Variants in SPEN observed in about 807,000 individuals in gnomAD.
SPEN encodes the protein spen family transcriptional repressor, also known as msx2-interacting protein.
SPEN carries 18 observed loss-of-function variants against 269.9 expected under a neutral mutation model. The ratio of observed to expected loss-of-function variants is 0.07; its 90% CI spans 0.05 to 0.10. SPEN has a LOEUF of 0.10. SPEN is among the 10% of genes least tolerant of loss of function. The pLI, the probability that SPEN is intolerant of heterozygous loss-of-function variation, is 1.00. For synonymous variants in SPEN, 1,726 were observed against 1,765.7 expected (o/e 0.98, Z 0.56); for missense variants, 3,822 against 4,631.2 (o/e 0.83, Z 5.07).
chr1:15,892,160 A>T (rs2070797291), intron 3 of SPEN, among the ~76,000 whole-genome samples: 1 of 151,482 alleles, frequency 6.6e-6, no homozygotes, highest in Non-Finnish European at 1.5e-5. Context: ...AGCTGGGACT[A>T]TAGGCACCTT....
At chr1:15,849,194 G>C (rs1010359841) in intron 1 of SPEN, among the ~76,000 whole-genome samples, 3 of 152,206 alleles carry the variant, frequency 2.0e-5, no homozygotes, top group Non-Finnish European at 4.4e-5. Flanking sequence ...ATCTGTGGTT[G>C]TCCTCGAAAA....
rs762548080 is a variant in SPEN, at chr1:15,940,249, C to T, written c.*822C>T. 1.4e-4 allele frequency: 32 copies of T among 232,864 alleles called. No individual in the cohort carries two copies. Among genetic ancestry groups the T allele is most frequent in the Non-Finnish European group, 2.3e-4 (27 of 117,684 alleles). The allele number at this position is 232,864 out of a possible 1,614,324, so 14.4% of individuals were successfully genotyped here. A position where few individuals can be genotyped will look rare whatever the true frequency, so the allele number is the denominator to read the frequency against. Reference sequence around the variant, plus strand: ...TATTGCCCACTCATTTGTATAAGTGCGCTTCGGTACAGCACGGGTCCTGCT... The same window carrying T: ...TATTGCCCACTCATTTGTATAAGTGTGCTTCGGTACAGCACGGGTCCTGCT... On this transcript the variant is annotated 3_prime_UTR_variant, in exon 15 of 15. Coordinates refer to ENST00000375759, the MANE Select transcript of SPEN (RefSeq NM_015001.3).
At chr1:15,915,455 C>T (rs1361872526) in intron 5 of SPEN, among the ~76,000 whole-genome samples, 1 of 152,198 alleles carries the variant, frequency 6.6e-6, no homozygotes, top group Non-Finnish European at 1.5e-5. Flanking sequence ...TGCCAGTACA[C>T]TCCAGTCTGG....
chr1:15,881,434 C>T (rs1221980829), intron 3 of SPEN, among the ~76,000 whole-genome samples: 1 of 152,110 alleles, frequency 6.6e-6, no homozygotes, highest in Non-Finnish European at 1.5e-5. Context: ...GTGGGAGAGA[C>T]ATTGTATTAA....
chr1:15,891,875 T>G (rs761779119), intron 3 of SPEN, among the ~76,000 whole-genome samples: 1 of 151,412 alleles, frequency 6.6e-6, no homozygotes, highest in Admixed American at 6.6e-5. Context: ...TTTAAAAATA[T>G]ACACATCAAG....
Position 15,933,717 on chromosome 1 carries a change from A to C in SPEN, c.7477A>C (p.Ser2493Arg), listed in dbSNP as rs201862747. The change falls in exon 11 of 15, where the codon AGC becomes CGC. Residue 2493 changes from serine (S) to arginine (R), a missense_variant. This residue lies in a region of SPEN where 727 missense variants were observed against 737.9 expected (regional missense o/e 0.99). Coordinates refer to ENST00000375759, the MANE Select transcript of SPEN (RefSeq NM_015001.3). The surrounding 1 kb of genome is among the most constrained non-coding windows in gnomAD (Gnocchi z 5.7). ...CGCCTCTGGGGGGATCCCACACCAGAGCCCCCCTACTAAGGTGACAGAGTG... is the reference window on the plus strand; with the variant it reads ...CGCCTCTGGGGGGATCCCACACCAGCGCCCCCCTACTAAGGTGACAGAGTG... ...PVASGGIPHQ[S>R]PPTKVTEWIT... is the part of the protein sequence containing the mutation. 1 of 1,614,078 alleles carries C rather than the reference A, an allele frequency of 6.2e-7. No homozygotes were observed. The highest frequency in any genetic ancestry group is 1.1e-5 in the South Asian group (1 of 91,076).
chr1:15,848,264 C>T lies in SPEN; in HGVS notation c.83+114C>T. The stretch of plus-strand genomic sequence containing the variant: ...CTGGTGAGGAGGACTCCGGCCCGGA[C>T]CCACGGGCGCTGTGGGACCTCGTCA... On this transcript the variant is annotated intron_variant, in intron 1 of 14. Transcript: ENST00000375759. The surrounding 1 kb of genome is among the most constrained non-coding windows in gnomAD (Gnocchi z 5.1). 1 of 611,644 alleles carries T rather than the reference C, an allele frequency of 1.6e-6. No homozygotes were observed. Among genetic ancestry groups the T allele is most frequent in the Non-Finnish European group, 2.4e-6 (1 of 412,514 alleles). 37.9% of individuals were successfully genotyped at this position (611,644 alleles called of 1,614,324 possible).
chr1:15,938,143 G>T, intron 13 of SPEN, 137 bp downstream of exon 13: 2 of 838,186 alleles, frequency 2.4e-6, no homozygotes, highest in South Asian at 1.9e-5. Flanking sequence ...AGTCTCTGTC[G>T]CCTGGGCTGG....
At chr1:15,904,728 C>T (rs747734755) in intron 3 of SPEN, among the ~76,000 whole-genome samples, 7 of 150,898 alleles carry the variant, frequency 4.6e-5, no homozygotes, top group Non-Finnish European at 7.4e-5. Flanking sequence ...GCTGGGATTA[C>T]AGGCATGAGC....
rs1332153420 is a variant in SPEN, at chr1:15,931,871, G to A, written c.5631G>A (p.Arg1877=). The A allele has an allele frequency of 1.2e-6, 2 of 1,614,202 alleles. No individual in the cohort carries two copies. Among genetic ancestry groups the A allele is most frequent in the Admixed American group, 1.7e-5 (1 of 60,008 alleles). ...AGATGGAGGCAGAGAAGATTACAAGGACTGCTTCTAAAAACTCTGCTGCAG... is the reference window on the plus strand; with the variant it reads ...AGATGGAGGCAGAGAAGATTACAAGAACTGCTTCTAAAAACTCTGCTGCAG... ...ELKMEAEKIT[R]TASKNSAADL... Residue 1877 remains arginine, a synonymous_variant, in exon 11 of 15, where the codon AGG becomes AGA. Coordinates refer to ENST00000375759, the MANE Select transcript of SPEN (RefSeq NM_015001.3). The surrounding 1 kb of genome is among the most constrained non-coding windows in gnomAD (Gnocchi z 4.8).
chr1:15,888,831 A>G (rs542450145), intron 3 of SPEN, among the ~76,000 whole-genome samples: 2 of 150,904 alleles, frequency 1.3e-5, no homozygotes, highest in Non-Finnish European at 2.9e-5. Flanking sequence ...GGGTTTTGCC[A>G]TGTTGGTTGG....
At chr1:15,885,953 G>C (rs1330528213) in intron 3 of SPEN, among the ~76,000 whole-genome samples, 1 of 152,062 alleles carries the variant, frequency 6.6e-6, no homozygotes, top group African/African-American at 2.4e-5. Context: ...TGTTTTAGGG[G>C]GTCATATTAG....
Position 15,848,010 on chromosome 1 carries a change from C to A in SPEN, c.-58C>A. 2 of 1,234,114 alleles carry A rather than the reference C, an allele frequency of 1.6e-6. No individual in the cohort carries two copies. Among genetic ancestry groups the A allele is most frequent in the Non-Finnish European group, 2.1e-6 (2 of 935,536 alleles). 76.4% of individuals were successfully genotyped at this position (1,234,114 alleles called of 1,614,324 possible). On this transcript the variant is annotated 5_prime_UTR_variant, in exon 1 of 15. Coordinates refer to ENST00000375759, the MANE Select transcript of SPEN (RefSeq NM_015001.3). The surrounding 1 kb of genome is among the most constrained non-coding windows in gnomAD (Gnocchi z 5.1). ...GCACCCGCCTCCCGGCGCTGACGGTCTCGTACGAAGCCGGCGAGGGGGAGC... is the reference window on the plus strand; with the variant it reads ...GCACCCGCCTCCCGGCGCTGACGGTATCGTACGAAGCCGGCGAGGGGGAGC...
At chr1:15,857,133 G>C (rs1269503688) in intron 1 of SPEN, among the ~76,000 whole-genome samples, 1 of 151,460 alleles carries the variant, frequency 6.6e-6, no homozygotes, top group Non-Finnish European at 1.5e-5. Context: ...TGTGATCACT[G>C]CTTACTGTGT....
chr1:15,904,771 C>T (rs1340971454), intron 3 of SPEN, among the ~76,000 whole-genome samples: 1 of 150,546 alleles, frequency 6.6e-6, no homozygotes, highest in Non-Finnish European at 1.5e-5. Context: ...ATAATAATGG[C>T]CTGTGATAAT....
intron 1 of SPEN, among the ~76,000 whole-genome samples, chr1:15,869,451 T>C (rs1324546241): frequency 6.6e-6 from 1 of 152,244 alleles, no homozygotes; most frequent in Non-Finnish European, 1.5e-5. Flanking sequence ...AGTATTAATG[T>C]TACTACATTA....
rs766816330 is a variant in SPEN at position 15,928,391 on chromosome 1, T to G, written c.2151T>G (p.His717Gln). The change falls in exon 11 of 15, where the codon CAT (histidine) becomes CAG (glutamine). Residue 717 changes from histidine (H) to glutamine (Q), a missense_variant. Physicochemically the swap from His to Gln is conservative, Grantham distance 24. Coordinates refer to ENST00000375759, the MANE Select transcript of SPEN (RefSeq NM_015001.3). This position sits in a 1 kb window ranked among gnomAD's most constrained non-coding sequence, Gnocchi z 5.7. ...ERFESDRDRD[H>Q]ERRPIERSQS... Reference sequence around the variant, plus strand: ...TTGAGTCTGACCGGGACAGAGACCATGAGAGGAGGCCGATTGAACGAAGTC... The same window carrying G: ...TTGAGTCTGACCGGGACAGAGACCAGGAGAGGAGGCCGATTGAACGAAGTC... The G allele has an allele frequency of 1.2e-6, 2 of 1,614,028 alleles. No homozygotes were observed. The highest frequency in any genetic ancestry group is 2.2e-5 in the South Asian group (2 of 91,072).
At chr1:15,850,156 G>T (rs1164712019) in intron 1 of SPEN, among the ~76,000 whole-genome samples, 1 of 152,116 alleles carries the variant, frequency 6.6e-6, no homozygotes, top group East Asian at 1.9e-4. Context: ...CTTTATGTGG[G>T]AATCAGCAGA....
chr1:15,861,160 TCTCA>T (rs1317876692), intron 1 of SPEN, among the ~76,000 whole-genome samples: 3 of 149,312 alleles, frequency 2.0e-5, no homozygotes, highest in African/African-American at 7.4e-5. Context: ...TGAGACGGAA[TCTCA>T]CTCTGTCACC....
Sources: gnomAD v4.1 joint callset for allele counts (sites outside exome capture counted in the v4.1 genomes callset) on GRCh38, gnomAD v4.1.1 for gene constraint, gnomAD v4.1.1 regional missense constraint, Gnocchi (gnomAD v3.1) non-coding constraint, MANE v1.5 for transcripts, NCBI Gene and HGNC (gene_info 2026-07-23, HGNC 2026-07-21) for gene names.